PCLO: variants seen among roughly 807,000 people sequenced by gnomAD.
PCLO encodes the protein piccolo presynaptic cytomatrix protein.
PCLO carries 82 observed loss-of-function variants against 427.5 expected under a neutral mutation model. The ratio of observed to expected loss-of-function variants is 0.19; its 90% CI spans 0.16 to 0.23. The LOEUF is 0.23. Ranked by LOEUF, PCLO falls within the 10% of genes least tolerant of loss-of-function variation. The pLI, the probability that PCLO is intolerant of heterozygous loss-of-function variation, is 1.00. For synonymous variants in PCLO, 2,357 were observed against 2,155.4 expected (o/e 1.09, Z -2.59); for missense variants, 6,239 against 6,115.9 (o/e 1.02, Z -0.67).
At chr7:82,781,923 C>T (rs953409742) in intron 22 of PCLO, among the ~76,000 whole-genome samples, 2 of 152,194 alleles carry the variant, frequency 1.3e-5, no homozygotes, top group African/African-American at 4.8e-5. Context: ...AAGCTTCTCG[C>T]CCCTTCCCCC....
chr7:83,157,640 C>T (rs1241256226), intron 1 of PCLO, among the ~76,000 whole-genome samples: 1 of 151,544 alleles, frequency 6.6e-6, no homozygotes, highest in Non-Finnish European at 1.5e-5. Flanking sequence ...ATATTAAATA[C>T]AGAAACTTTT....
intron 1 of PCLO, among the ~76,000 whole-genome samples, chr7:83,157,958 T>C (rs1035206367): frequency 1.3e-5 from 2 of 152,092 alleles, no homozygotes; most frequent in Admixed American, 6.5e-5. Context: ...ATACTTCTTA[T>C]GAATTAACTT....
chr7:82,956,176 T>G lies in PCLO; in HGVS notation c.4777A>C (p.Lys1593Gln). 1 of 1,609,282 alleles carries G rather than the reference T, an allele frequency of 6.2e-7. No individual in the cohort carries two copies. The highest frequency in any genetic ancestry group is 8.5e-7 in the Non-Finnish European group (1 of 1,179,846). ...KEISSSTESQKKEETKGKGKI... is the reference protein window; with the variant it reads ...KEISSSTESQQKEETKGKGKI... ...CCTTTTCCCTTTGTTTCTTCCTTCT[T>G]CTGGCTCTCAGTACTGCTACTAATC... The change falls in exon 5 of 25, where the codon AAG becomes CAG. Residue 1593 changes from lysine to glutamine, a missense_variant. This residue lies in a region of PCLO where 4,677 missense variants were observed against 4,468.4 expected (regional missense o/e 1.05). Transcript: ENST00000333891.
chr7:82,956,833 G>A lies in PCLO; in HGVS notation c.4120C>T (p.Leu1374Phe), dbSNP rs563998506. 1.9e-6 allele frequency: 3 copies of A among 1,613,788 alleles called. No homozygotes were observed. The highest frequency in any genetic ancestry group is 4.5e-5 in the East Asian group (2 of 44,860). Residue 1374 changes from leucine (L) to phenylalanine (F), a missense_variant, in exon 5 of 25, where the codon CTT becomes TTT. Leu to Phe is a conservative substitution (Grantham distance 22, BLOSUM62 0). Transcript: ENST00000333891. ...GYSSDGISSS[L>F]GEIPSLIPTD... ...GGAATAAGACTTGGAATTTCACCAAGTGAGCTTGATATTCCATCGGAAGAA... is the reference window on the plus strand; with the variant it reads ...GGAATAAGACTTGGAATTTCACCAAATGAGCTTGATATTCCATCGGAAGAA...
chr7:82,915,346 G>A lies in PCLO; in HGVS notation c.12640C>T (p.Pro4214Ser), dbSNP rs1326259752. The change falls in exon 7 of 25, where the codon CCT (proline) becomes TCT (serine). Residue 4214 changes from proline to serine, a missense_variant. Coordinates refer to ENST00000333891, the MANE Select transcript of PCLO (RefSeq NM_033026.6). Reference sequence around the variant, plus strand: ...GAAGTCATATAGCTTGAATAATCAGGTTCAAGGTCTCTACTTTCTTGAATA... The same window carrying A: ...GAAGTCATATAGCTTGAATAATCAGATTCAAGGTCTCTACTTTCTTGAATA... ...SPIQESRDLE[P>S]DYSSYMTSST... 2 of 1,613,184 alleles carry A rather than the reference G, an allele frequency of 1.2e-6. No homozygotes were observed. Among genetic ancestry groups the A allele is most frequent in the Non-Finnish European group, 1.7e-6 (2 of 1,179,522 alleles).
chr7:83,040,365 G>T (rs1282296907), intron 3 of PCLO, among the ~76,000 whole-genome samples: 1 of 152,130 alleles, frequency 6.6e-6, no homozygotes, highest in Admixed American at 6.5e-5. Context: ...AGGGGTTTGG[G>T]CAGGCTCTCT....
intron 2 of PCLO, among the ~76,000 whole-genome samples, chr7:83,146,409 A>G (rs1028994850): frequency 1.3e-5 from 2 of 152,164 alleles, no homozygotes; most frequent in Non-Finnish European, 2.9e-5. Context: ...GTAATAATAT[A>G]TTAGAATTAT....
At chr7:82,973,281 T>G (rs1231189448) in intron 3 of PCLO, among the ~76,000 whole-genome samples, 1 of 152,142 alleles carries the variant, frequency 6.6e-6, no homozygotes, top group Admixed American at 6.6e-5. Context: ...TTATATTCTT[T>G]TACCGAGGCT....
At chr7:83,053,337 T>C (rs1201302146) in intron 3 of PCLO, among the ~76,000 whole-genome samples, 2 of 151,950 alleles carry the variant, frequency 1.3e-5, no homozygotes, top group African/African-American at 4.8e-5. Flanking sequence ...CTGAAAAAGT[T>C]TGTTTTCCTA....
chr7:82,943,458 A>AT (rs552985712), intron 6 of PCLO, among the ~76,000 whole-genome samples: 1 of 152,100 alleles, frequency 6.6e-6, no homozygotes, highest in Non-Finnish European at 1.5e-5. Context: ...ATACAAACTA[A>AT]TTTTTTTGAT....
intron 22 of PCLO, among the ~76,000 whole-genome samples, chr7:82,775,784 T>A (rs1790737439): frequency 1.3e-5 from 2 of 152,276 alleles, no homozygotes; most frequent in East Asian, 1.9e-4. Context: ...CCCCCCAAAT[T>A]GTCTAGATTT....
At chr7:82,758,757 C>G (rs758820950) in intron 24 of PCLO, 42 bp from the exon 25 acceptor site, 1 of 1,225,986 alleles carries the variant, frequency 8.2e-7, no homozygotes, top group African/African-American at 1.5e-5. Flanking sequence ...AATTTATACA[C>G]ATATACATGT....
intron 22 of PCLO, among the ~76,000 whole-genome samples, chr7:82,780,541 TTTTG>T (rs749241985): frequency 1.1e-4 from 17 of 150,314 alleles, no homozygotes; most frequent in Non-Finnish European, 1.8e-4. Flanking sequence ...TTTTGTTTGT[TTTTG>T]TTTGTTTGTT....
At chr7:82,844,564 C>T (rs994663546) in intron 13 of PCLO, among the ~76,000 whole-genome samples, 1 of 151,996 alleles carries the variant, frequency 6.6e-6, no homozygotes, top group Non-Finnish European at 1.5e-5. Context: ...AAAGACAAAC[C>T]TTTATTCATT....
At chr7:82,763,436 ATAGAG>A (rs1167020773) in intron 22 of PCLO, among the ~76,000 whole-genome samples, 46 of 152,236 alleles carry the variant, frequency 3.0e-4, no homozygotes, top group African/African-American at 9.9e-4. Context: ...AATCAGTGTT[ATAGAG>A]TATAGTTGAG....
intron 6 of PCLO, among the ~76,000 whole-genome samples, chr7:82,934,429 G>C (rs1794905687): frequency 6.6e-6 from 1 of 151,876 alleles, no homozygotes; most frequent in Non-Finnish European, 1.5e-5. Flanking sequence ...AAACTGCCAT[G>C]ATGACAACTG....
chr7:83,051,919 C>T (rs915519458), intron 3 of PCLO, among the ~76,000 whole-genome samples: 30 of 151,958 alleles, frequency 2.0e-4, no homozygotes, highest in African/African-American at 6.0e-4. Flanking sequence ...AAAGGAGCAA[C>T]GGCAATTCAA....
chr7:83,160,646 G>C (rs893733604), intron 1 of PCLO, among the ~76,000 whole-genome samples: 1 of 152,040 alleles, frequency 6.6e-6, no homozygotes, highest in Non-Finnish European at 1.5e-5. Context: ...ATTATCAATA[G>C]AGAGCTTTAA....
chr7:82,972,799 T>C (rs1381016412), intron 3 of PCLO, among the ~76,000 whole-genome samples: 1 of 152,144 alleles, frequency 6.6e-6, no homozygotes, highest in East Asian at 1.9e-4. Flanking sequence ...GTTTATCTAT[T>C]TATTTGCTTA....
Sources: allele counts gnomAD v4.1 joint callset (sites outside exome capture counted in the v4.1 genomes callset), GRCh38; gene constraint gnomAD v4.1.1; regional missense constraint gnomAD v4.1.1; transcripts MANE v1.5; gene names NCBI Gene and HGNC (gene_info 2026-07-23, HGNC 2026-07-21).